Variants in ALDOC observed in about 807,000 individuals in gnomAD.
ALDOC encodes the protein fructose-bisphosphate aldolase C.
In ALDOC, 23 loss-of-function variants were observed where a neutral mutation model predicts 39.5. That is an observed-to-expected ratio of 0.58 (90% CI 0.42 to 0.82). ALDOC has a LOEUF of 0.82. Among genes scored for constraint, ALDOC ranks in the 40% least tolerant of loss-of-function variants. The pLI is 0.00. For synonymous variants in ALDOC, 160 were observed against 182.6 expected, an observed-to-expected ratio of 0.88 and a Z score of 1.00; for missense variants, 356 against 479.1, an observed-to-expected ratio of 0.74 and a Z score of 2.40.
Position 28,574,694 on chromosome 17 carries a change from A to G in ALDOC, c.540+2T>C. 1 of 1,614,056 alleles carries G rather than the reference A, an allele frequency of 6.2e-7. No individual in the cohort carries two copies. Among genetic ancestry groups the G allele is most frequent in the Middle Eastern group, 1.6e-4 (1 of 6,062 alleles). ...AGCTCACCACCCTCCCAACACACAC[A>G]CCTGCTGGCAGATACTGGCATAACG... On this transcript the variant is annotated splice_donor_variant, in intron 5 of 8. Transcript: ENST00000226253. LOFTEE classifies it high-confidence loss of function.
In ALDOC at chr17:28,575,513, G is replaced by T; in HGVS notation, c.20C>A (p.Ala7Asp). ...CTCCTTCTTCTGCTCAGCAGAAAGG[G>T]CTGGGTACGAGTGAGGCATGGTGAC... MPHSYP[A>D]LSAEQKKELS... is the part of the protein sequence containing the mutation. The change falls in exon 2 of 9, where the codon GCC becomes GAC. Residue 7 changes from alanine (A) to aspartate (D), a missense_variant. Ala to Asp is a moderately radical substitution (Grantham distance 126, BLOSUM62 -2). Transcript: ENST00000226253. The surrounding 1 kb of genome is among the most constrained non-coding windows in gnomAD (Gnocchi z 4.3). 2.5e-6 allele frequency: 4 copies of T among 1,614,154 alleles called. No homozygotes were observed. Among genetic ancestry groups the T allele is most frequent in the Non-Finnish European group, 3.4e-6 (4 of 1,180,020 alleles).
intron 1 of ALDOC, among the ~76,000 whole-genome samples, 172 bp downstream of exon 1, chr17:28,576,629 A>G (rs917023024): frequency 4.0e-5 from 6 of 151,082 alleles, no homozygotes; most frequent in African/African-American, 1.5e-4. Context: ...AGAGGGATAG[A>G]ACAGAAGAGG....
At chr17:28,574,305 C>T in intron 6 of ALDOC, 64 bp from the exon 7 acceptor site, 3 of 1,524,950 alleles carry the variant, frequency 2.0e-6, no homozygotes, top group South Asian at 2.5e-5. Flanking sequence ...GCTCGATGCT[C>T]CCTATGTAGG....
At position 28,573,790 on chromosome 17, in the gene ALDOC, C is replaced by A. The variant is rs530097176; in HGVS notation, c.944G>T (p.Arg315Leu). 3.1e-6 allele frequency: 5 copies of A among 1,614,094 alleles called. No homozygotes were observed. Among genetic ancestry groups the A allele is most frequent in the Non-Finnish European group, 4.2e-6 (5 of 1,180,048 alleles). Residue 315 changes from arginine to leucine, a missense_variant, in exon 8 of 9, where the codon CGA becomes CTA. Transcript: ENST00000226253. This position sits in a 1 kb window ranked among gnomAD's most constrained non-coding sequence, Gnocchi z 4.3. ...AGCCCCAGCATTGTCCCGTTGCCCT[C>A]GCCAGGCATTGAGTGCAGAGGCTTG... ...ALQASALNAW[R>L]GQRDNAGAAT...
chr17:28,574,936 C>A lies in ALDOC; in HGVS notation c.379+16G>T. 1 of 1,614,214 alleles carries A rather than the reference C, an allele frequency of 6.2e-7. No individual in the cohort carries two copies. The highest frequency in any genetic ancestry group is 8.5e-7 in the Non-Finnish European group (1 of 1,180,040). On this transcript the variant is annotated intron_variant, in intron 4 of 8. Transcript: ENST00000226253. ...ATCTAACACCTCTTTGGTCCTCAAG[C>A]CCACCCATCCTATACCTTGAGTGGT...
rs748408664 is a variant in ALDOC at position 28,574,708 on chromosome 17, A to C, written c.528T>G (p.Ser176Arg). The C allele has an allele frequency of 6.2e-7, 1 of 1,614,058 alleles. No homozygotes were observed. Among genetic ancestry groups the C allele is most frequent in the East Asian group, 2.2e-5 (1 of 44,896 alleles). ...ENANVLARYA[S>R]ICQQNGIVPI... is the part of the protein sequence containing the mutation. ...CCAACACACACACCTGCTGGCAGAT[A>C]CTGGCATAACGGGCCAGCACGTTGG... Residue 176 changes from serine to arginine, a missense_variant, in exon 5 of 9, where the codon AGT becomes AGG. Coordinates refer to ENST00000226253, the MANE Select transcript of ALDOC (RefSeq NM_005165.3).
In ALDOC at chr17:28,574,626, G is replaced by A. The variant is rs2070464860; in HGVS notation, c.541-49C>T. The A allele has an allele frequency of 3.1e-6, 5 of 1,613,746 alleles. No homozygotes were observed. The East Asian group carries it at 6.7e-5, about 22-fold the overall frequency. On this transcript the variant is annotated intron_variant, in intron 5 of 8. Transcript: ENST00000226253. ...TGGGAGGGGCAGTAGGGGAGATGAA[G>A]AAAGCCTTGTGACTCTCTCCCCACC...
chr17:28,574,152 A>G lies in ALDOC; in HGVS notation c.714T>C (p.His238=). The G allele has an allele frequency of 6.2e-7, 1 of 1,612,422 alleles. No individual in the cohort carries two copies. Among genetic ancestry groups the G allele is most frequent in the Non-Finnish European group, 8.5e-7 (1 of 1,179,092 alleles). ...LLKPNMVTPG[H]ACPIKYTPEE... is the part of the protein sequence containing the mutation. Reference sequence around the variant, plus strand: ...CTGGGGTATACTTGATGGGACAGGCATGGCCCGGGGTCACCATGTTGGGCT... The same window carrying G: ...CTGGGGTATACTTGATGGGACAGGCGTGGCCCGGGGTCACCATGTTGGGCT... The change falls in exon 7 of 9, where the codon CAT becomes CAC. Residue 238 remains histidine, a synonymous_variant. Coordinates refer to ENST00000226253, the MANE Select transcript of ALDOC (RefSeq NM_005165.3).
Position 28,575,960 on chromosome 17 carries a change from C to T in ALDOC, c.-12-416G>A, listed in dbSNP as rs2070484004. On this transcript the variant is annotated intron_variant, in intron 1 of 8. Coordinates refer to ENST00000226253, the MANE Select transcript of ALDOC (RefSeq NM_005165.3). This position sits in a 1 kb window ranked among gnomAD's most constrained non-coding sequence, Gnocchi z 4.3. ...CCACAGGACCCCTAGGGAAAGTGTACTTACTTCCAAGGCTTCAGAATGAGG... is the reference window on the plus strand; with the variant it reads ...CCACAGGACCCCTAGGGAAAGTGTATTTACTTCCAAGGCTTCAGAATGAGG... 1 of 1,022,868 alleles carries T rather than the reference C, an allele frequency of 9.8e-7. No homozygotes were observed. Among genetic ancestry groups the T allele is most frequent in the South Asian group, 3.7e-5 (1 of 27,266 alleles). The allele number at this position is 1,022,868 out of a possible 1,614,324, so 63.4% of individuals were successfully genotyped here.
Position 28,573,522 on chromosome 17 carries a change from A to AT in ALDOC, c.*3dup. On this transcript the variant is annotated 3_prime_UTR_variant, in exon 9 of 9. Coordinates refer to ENST00000226253, the MANE Select transcript of ALDOC (RefSeq NM_005165.3). The surrounding 1 kb of genome is among the most constrained non-coding windows in gnomAD (Gnocchi z 4.3). ...GGCCAAGGGCTGTGGTATGGAGTGG[A>AT]TACTCAGTAGGCATGGTTGGCAATG... 1 of 1,613,976 alleles carries AT rather than the reference A, an allele frequency of 6.2e-7. No individual in the cohort carries two copies. Among genetic ancestry groups the AT allele is most frequent in the Non-Finnish European group, 8.5e-7 (1 of 1,179,854 alleles).
Position 28,575,560 on chromosome 17 carries a change from G to A in ALDOC, c.-12-16C>T, listed in dbSNP as rs1173310381. On this transcript the variant is annotated splice_polypyrimidine_tract_variant and intron_variant, in intron 1 of 8. Transcript: ENST00000226253. This position sits in a 1 kb window ranked among gnomAD's most constrained non-coding sequence, Gnocchi z 4.3. ...TGACAGCTCCCTGGAGTGGAGACAA[G>A]ATAAAAAAGCCAGACCTCACCCTCT... 1 of 1,611,128 alleles carries A rather than the reference G, an allele frequency of 6.2e-7. No individual in the cohort carries two copies. Among genetic ancestry groups the A allele is most frequent in the Non-Finnish European group, 8.5e-7 (1 of 1,178,736 alleles).
chr17:28,575,544 C>G lies in ALDOC; in HGVS notation c.-12G>C. 1.9e-6 allele frequency: 3 copies of G among 1,613,406 alleles called. No homozygotes were observed. The highest frequency in any genetic ancestry group is 2.5e-6 in the Non-Finnish European group (3 of 1,179,710). On this transcript the variant is annotated splice_region_variant and 5_prime_UTR_variant, in exon 2 of 9. Transcript: ENST00000226253. This position sits in a 1 kb window ranked among gnomAD's most constrained non-coding sequence, Gnocchi z 4.3. ...TACGAGTGAGGCATGGTGACAGCTCCCTGGAGTGGAGACAAGATAAAAAAG... is the reference window on the plus strand; with the variant it reads ...TACGAGTGAGGCATGGTGACAGCTCGCTGGAGTGGAGACAAGATAAAAAAG...
Position 28,575,841 on chromosome 17 carries a change from C to T in ALDOC, c.-12-297G>A. The T allele has an allele frequency of 1.7e-6, 1 of 574,256 alleles. No homozygotes were observed. Among genetic ancestry groups the T allele is most frequent in the East Asian group, 5.7e-5 (1 of 17,428 alleles). The allele number at this position is 574,256 out of a possible 1,614,324, so 35.6% of individuals were successfully genotyped here. ...ACAGCTCTTCTGATAAATCTGCTGCCCAATCAAGGATGCCAACCCTTCTTT... is the reference window on the plus strand; with the variant it reads ...ACAGCTCTTCTGATAAATCTGCTGCTCAATCAAGGATGCCAACCCTTCTTT... On this transcript the variant is annotated intron_variant, in intron 1 of 8. Coordinates refer to ENST00000226253, the MANE Select transcript of ALDOC (RefSeq NM_005165.3). This position sits in a 1 kb window ranked among gnomAD's most constrained non-coding sequence, Gnocchi z 4.3.
Position 28,575,231 on chromosome 17 carries a change from C to T in ALDOC, c.216G>A (p.Lys72=). 4 of 1,614,192 alleles carry T rather than the reference C, an allele frequency of 2.5e-6. No homozygotes were observed. In the South Asian group the frequency reaches 4.4e-5, roughly 18 times the overall value. The part of the protein sequence containing the change: ...VLFSADDRVK[K]CIGGVIFFHE... ...GGAAGAAAATGACGCCTCCAATGCA[C>T]TTTTTCACACGGTCATCAGCACTGA... Residue 72 remains lysine, a synonymous_variant, in exon 3 of 9, where the codon AAG becomes AAA. Coordinates refer to ENST00000226253, the MANE Select transcript of ALDOC (RefSeq NM_005165.3). This position sits in a 1 kb window ranked among gnomAD's most constrained non-coding sequence, Gnocchi z 4.3.
At position 28,573,915 on chromosome 17, in the gene ALDOC, C is replaced by T. The variant is rs1057129469; in HGVS notation, c.819G>A (p.Gly273=). The change falls in exon 8 of 9, where the codon GGG becomes GGA. Residue 273 remains glycine (G), a synonymous_variant. Coordinates refer to ENST00000226253, the MANE Select transcript of ALDOC (RefSeq NM_005165.3). This position sits in a 1 kb window ranked among gnomAD's most constrained non-coding sequence, Gnocchi z 4.3. ...PAVPGVTFLS[G]GQSEEEASFN... is the part of the protein sequence containing the mutation. ...ATGATGCCTCTTCTTCGCTCTGACC[C>T]CCAGACAGGAAGGTCACTCCTAGTG... 6.2e-7 allele frequency: 1 copy of T among 1,614,156 alleles called. No homozygotes were observed. Among genetic ancestry groups the T allele is most frequent in the Non-Finnish European group, 8.5e-7 (1 of 1,180,030 alleles).
At position 28,573,429 on chromosome 17, in the gene ALDOC, G is replaced by A. The variant is rs1036316543; in HGVS notation, c.*97C>T. On this transcript the variant is annotated 3_prime_UTR_variant, in exon 9 of 9. Coordinates refer to ENST00000226253, the MANE Select transcript of ALDOC (RefSeq NM_005165.3). This position sits in a 1 kb window ranked among gnomAD's most constrained non-coding sequence, Gnocchi z 4.3. ...GAAGACAAGTTGGTGCCAGGTGAAGGCATCTCTGCTCTGCATAGCTATTTG... is the reference window on the plus strand; with the variant it reads ...GAAGACAAGTTGGTGCCAGGTGAAGACATCTCTGCTCTGCATAGCTATTTG... 4 of 1,063,918 alleles carry A rather than the reference G, an allele frequency of 3.8e-6. No individual in the cohort carries two copies. The African/African-American group carries it at 4.7e-5, about 12-fold the overall frequency. 65.9% of individuals were successfully genotyped at this position (1,063,918 alleles called of 1,614,324 possible). A position where few individuals can be genotyped will look rare whatever the true frequency, so the allele number is the denominator to read the frequency against.
In ALDOC at chr17:28,573,546, T is replaced by G. The variant is rs572172987; in HGVS notation, c.1075A>C (p.Ile359Leu). The change falls in exon 9 of 9, where the codon ATT becomes CTT. Residue 359 changes from isoleucine (I) to leucine (L), a missense_variant. Coordinates refer to ENST00000226253, the MANE Select transcript of ALDOC (RefSeq NM_005165.3). This position sits in a 1 kb window ranked among gnomAD's most constrained non-coding sequence, Gnocchi z 4.3. ...DGGAAAQSLY[I>L]ANHAY ...GATACTCAGTAGGCATGGTTGGCAA[T>G]GTAGAGTGACTGTGCTGCTGCTCCA... The G allele has an allele frequency of 6.2e-7, 1 of 1,614,156 alleles. No homozygotes were observed. Among genetic ancestry groups the G allele is most frequent in the South Asian group, 1.1e-5 (1 of 91,084 alleles).
Position 28,573,390 on chromosome 17 carries a change from G to A in ALDOC, c.*136C>T. ...CAGGTGCAGCAATGAGAGAGGGGAA[G>A]GGAAGAGAGAAAGGAAGACAAGTTG... On this transcript the variant is annotated 3_prime_UTR_variant, in exon 9 of 9. Coordinates refer to ENST00000226253, the MANE Select transcript of ALDOC (RefSeq NM_005165.3). The surrounding 1 kb of genome is among the most constrained non-coding windows in gnomAD (Gnocchi z 4.3). The A allele has an allele frequency of 2.6e-6, 2 of 777,066 alleles. No individual in the cohort carries two copies. Among genetic ancestry groups the A allele is most frequent in the East Asian group, 5.0e-5 (2 of 40,388 alleles). 48.1% of individuals were successfully genotyped at this position (777,066 alleles called of 1,614,324 possible).
rs2070466706 is a variant in ALDOC, at chr17:28,574,759, G to A, written c.477C>T (p.Pro159=). 3 of 1,614,198 alleles carry A rather than the reference G, an allele frequency of 1.9e-6. No homozygotes were observed. The highest frequency in any genetic ancestry group is 2.5e-6 in the Non-Finnish European group (3 of 1,180,030). Residue 159 remains proline, a synonymous_variant, in exon 5 of 9, where the codon CCC becomes CCT. Coordinates refer to ENST00000226253, the MANE Select transcript of ALDOC (RefSeq NM_005165.3). ...RCVLKISERT[P]SALAILENAN... ...CGTTCTCCAGAATGGCAAGTGCAGAGGGTGTACGCTCACTGATTTTCAGCA... is the reference window on the plus strand; with the variant it reads ...CGTTCTCCAGAATGGCAAGTGCAGAAGGTGTACGCTCACTGATTTTCAGCA...
Sources: gnomAD v4.1 joint callset for allele counts (sites outside exome capture counted in the v4.1 genomes callset) on GRCh38, gnomAD v4.1.1 for gene constraint, Gnocchi (gnomAD v3.1) non-coding constraint, MANE v1.5 for transcripts, NCBI Gene and HGNC (gene_info 2026-07-23, HGNC 2026-07-21) for gene names.